Variants in GPX1 observed in about 807,000 individuals in gnomAD.
GPX1 encodes glutathione peroxidase 1.
Under a neutral mutation model 11.5 loss-of-function variants are expected in GPX1, and 8 were observed. That is an observed-to-expected ratio of 0.70 (90% CI 0.41 to 1.25). The LOEUF is 1.25. GPX1 is among the 50% of genes most tolerant of loss of function. The probability of loss-of-function intolerance (pLI) is 0.01; values close to 1 mark genes in which losing one functional copy is unlikely to be tolerated. For missense variants in GPX1, 266 were observed against 284.3 expected (o/e 0.94, Z 0.46); for synonymous variants, 142 against 127.8 (o/e 1.11, Z -0.75).
intron 1 of GPX1, 106 bp downstream of exon 1, chr3:49,357,921 C>T (rs919996718): frequency 6.7e-7 from 1 of 1,493,044 alleles, no homozygotes; most frequent in Admixed American, 2.3e-5. Flanking sequence ...GAGAGAGTAG[C>T]CAGACTCTCC....
chr3:49,357,905 G>C, intron 1 of GPX1, 122 bp downstream of exon 1: 1 of 1,504,868 alleles, frequency 6.6e-7, no homozygotes, highest in South Asian at 1.3e-5. Flanking sequence ...GCAACAGAAA[G>C]GAAACGAGAG....
rs1231276186 is a variant in GPX1 at position 49,358,170 on chromosome 3, C to T, written c.109G>A (p.Gly37Ser). ...GEPVSLGSLR[G>S]KVLLIENVAS... The stretch of plus-strand genomic sequence containing the variant: ...ACATTCTCGATAAGTAGTACCTTGC[C>T]CCGCAGGGAGCCCAGGCTCACAGGC... Residue 37 changes from glycine (G) to serine (S), a missense_variant, in exon 1 of 2, where the codon GGC (glycine) becomes AGC (serine). By Grantham distance (56) the Gly-to-Ser change is moderately conservative. Transcript: ENST00000419783. 2 of 1,587,290 alleles carry T rather than the reference C, an allele frequency of 1.3e-6. No homozygotes were observed. The highest frequency in any genetic ancestry group is 1.1e-5 in the South Asian group (1 of 88,540).
At chr3:49,357,818 G>A (rs968220307) in intron 1 of GPX1, 71 bp from the exon 2 acceptor site, 96 of 1,538,762 alleles carry the variant, frequency 6.2e-5, no homozygotes, top group Non-Finnish European at 8.0e-5. Flanking sequence ...ACAAACAAGG[G>A]AGATTTTCTA....
rs1251290230 is a variant in GPX1, at chr3:49,358,309, C to A, written c.-31G>T. ...AATTGTCCAAGAAGCCAGCGGAGCG[C>A]CCCGAACAAGCACTGTAAGGGGAGG... On this transcript the variant is annotated 5_prime_UTR_variant, in exon 1 of 2. Transcript: ENST00000419783. 2 of 1,525,644 alleles carry A rather than the reference C, an allele frequency of 1.3e-6. No homozygotes were observed. The highest frequency in any genetic ancestry group is 4.9e-5 in the East Asian group (2 of 40,500). 94.5% of individuals were successfully genotyped at this position (1,525,644 alleles called of 1,614,324 possible).
Position 49,357,236 on chromosome 3 carries a change from G to A in GPX1, c.*152C>T. 1.3e-6 allele frequency: 1 copy of A among 744,140 alleles called. No homozygotes were observed. The highest frequency in any genetic ancestry group is 2.2e-6 in the Non-Finnish European group (1 of 459,670). 46.1% of individuals were successfully genotyped at this position (744,140 alleles called of 1,614,324 possible). On this transcript the variant is annotated 3_prime_UTR_variant, in exon 2 of 2. Coordinates refer to ENST00000419783, the MANE Select transcript of GPX1 (RefSeq NM_000581.4). The stretch of plus-strand genomic sequence containing the variant: ...CTCGCCTTGGTCTGGCAGAGACTGG[G>A]ATCAACAGGACCAGCACCCATCTCG...
chr3:49,358,246 C>T lies in GPX1; in HGVS notation c.33G>A (p.Ala11=), dbSNP rs2047887057. The change falls in exon 1 of 2, where the codon GCG becomes GCA. Residue 11 remains alanine, a synonymous_variant. Transcript: ENST00000419783. ...AGAAGGCATACACCGACTGGGCCGCCGCCGCCGCCGCCGCTAGCCGAGCAG... is the reference window on the plus strand; with the variant it reads ...AGAAGGCATACACCGACTGGGCCGCTGCCGCCGCCGCCGCTAGCCGAGCAG... MCAARLAAAA[A]AAQSVYAFSA... is the part of the protein sequence containing the mutation. The T allele has an allele frequency of 2.4e-6, 1 of 420,750 alleles. No individual in the cohort carries two copies. The highest frequency in any genetic ancestry group is 3.0e-6 in the Non-Finnish European group (1 of 335,992). The allele number at this position is 420,750 out of a possible 1,614,324, so 26.1% of individuals were successfully genotyped here. A position where few individuals can be genotyped will look rare whatever the true frequency, so the allele number is the denominator to read the frequency against.
chr3:49,357,516 A>G lies in GPX1; in HGVS notation c.484T>C (p.Trp162Arg), dbSNP rs1389523308. ...CCCACCAGGAACTTCTCAAAGTTCC[A>G]GGCAACATCGTTGCGACACACCGGA... is the stretch of plus-strand genomic sequence containing the variant. ...WSPVCRNDVA[W>R]NFEKFLVGPD... The change falls in exon 2 of 2, where the codon TGG becomes CGG. Residue 162 changes from tryptophan to arginine, a missense_variant. By Grantham distance (101) the Trp-to-Arg change is moderately radical. Transcript: ENST00000419783. 3 of 1,613,656 alleles carry G rather than the reference A, an allele frequency of 1.9e-6. No homozygotes were observed. Among genetic ancestry groups the G allele is most frequent in the Admixed American group, 3.3e-5 (2 of 59,998 alleles).
chr3:49,357,547 G>C lies in GPX1; in HGVS notation c.453C>G (p.Thr151=), dbSNP rs752926056. The change falls in exon 2 of 2, where the codon ACC becomes ACG. Residue 151 remains threonine (T), a synonymous_variant. Transcript: ENST00000419783. ...TALMTDPKLI[T]WSPVCRNDVA... The stretch of plus-strand genomic sequence containing the variant: ...CATCGTTGCGACACACCGGAGACCA[G>C]GTGATGAGCTTGGGGTCGGTCATAA... The C allele has an allele frequency of 3.7e-6, 6 of 1,613,412 alleles. No individual in the cohort carries two copies. In the African/African-American group the frequency reaches 6.7e-5, roughly 18 times the overall value.
Position 49,358,056 on chromosome 3 carries a change from C to A in GPX1, c.223G>T (p.Gly75Cys), listed in dbSNP as rs763687242. ...RLGPRGLVVLGFPCNQFGHQE... is the reference protein window; with the variant it reads ...RLGPRGLVVLCFPCNQFGHQE... ...TGCCCAAACTGGTTGCACGGGAAGC[C>A]GAGCACCACCAGGCCCCGGGGTCCG... Residue 75 changes from glycine to cysteine, a missense_variant, in exon 1 of 2, where the codon GGC becomes TGC. Coordinates refer to ENST00000419783, the MANE Select transcript of GPX1 (RefSeq NM_000581.4). 3 of 1,610,816 alleles carry A rather than the reference C, an allele frequency of 1.9e-6. No individual in the cohort carries two copies. The highest frequency in any genetic ancestry group is 2.5e-6 in the Non-Finnish European group (3 of 1,179,230).
rs1252242622 is a variant in GPX1 at position 49,357,355 on chromosome 3, C to T, written c.*33G>A. On this transcript the variant is annotated 3_prime_UTR_variant, in exon 2 of 2. Coordinates refer to ENST00000419783, the MANE Select transcript of GPX1 (RefSeq NM_000581.4). ...AAACCCCCCCGAGACAGCAGCACTG[C>T]AACTGCCAAGCAGCCGGGGTAGGAG... The T allele has an allele frequency of 1.3e-6, 2 of 1,583,452 alleles. No individual in the cohort carries two copies. Among genetic ancestry groups the T allele is most frequent in the African/African-American group, 2.7e-5 (2 of 74,122 alleles).
chr3:49,357,640 C>G lies in GPX1; in HGVS notation c.360G>C (p.Ala120=). The G allele has an allele frequency of 6.2e-7, 1 of 1,613,670 alleles. No individual in the cohort carries two copies. The highest frequency in any genetic ancestry group is 8.5e-7 in the Non-Finnish European group (1 of 1,179,998). ...GGAAGGCGAAGAGAGGGTGCGCCCC[C>G]GCACCGTTCACCTCGCACTTCTCGA... is the stretch of plus-strand genomic sequence containing the variant. ...MLFEKCEVNG[A]GAHPLFAFLR... The change falls in exon 2 of 2, where the codon GCG becomes GCC. Residue 120 remains alanine (A), a synonymous_variant. Transcript: ENST00000419783.
At position 49,358,271 on chromosome 3, in the gene GPX1, G is replaced by A. The variant is rs892235577; in HGVS notation, c.8C>T (p.Ala3Val). 15 of 1,540,198 alleles carry A rather than the reference G, an allele frequency of 9.7e-6. No homozygotes were observed. In the African/African-American group the frequency reaches 1.7e-4, roughly 17 times the overall value. Reference protein sequence around the residue: MCAARLAAAAAAA... With the variant: MCVARLAAAAAAA... ...CGCCGCCGCCGCCGCTAGCCGAGCA[G>A]CACACATGGCGCAATTGTCCAAGAA... Residue 3 changes from alanine (A) to valine (V), a missense_variant, in exon 1 of 2, where the codon GCT becomes GTT. By Grantham distance (64) the Ala-to-Val change is moderately conservative (BLOSUM62 0). Coordinates refer to ENST00000419783, the MANE Select transcript of GPX1 (RefSeq NM_000581.4).
At chr3:49,357,890 T>C in intron 1 of GPX1, 137 bp downstream of exon 1, 1 of 1,512,618 alleles carries the variant, frequency 6.6e-7, no homozygotes, top group Non-Finnish European at 8.8e-7. Flanking sequence ...TTTCAGCAGC[T>C]ACGAGCAACA....
intron 1 of GPX1, 132 bp from the exon 2 acceptor site, chr3:49,357,879 A>ATT (rs1307722861): frequency 6.6e-6 from 10 of 1,516,752 alleles, no homozygotes; most frequent in Admixed American, 2.2e-5. Context: ...GCGGAGAGGA[A>ATT]TTTCAGCAGC....
At chr3:49,357,854 T>C (rs1438717299) in intron 1 of GPX1, 107 bp from the exon 2 acceptor site, 8 of 1,526,094 alleles carry the variant, frequency 5.2e-6, no homozygotes, top group Non-Finnish European at 6.1e-6. Context: ...TTGCCCTCCA[T>C]GCGCAATCCC....
In GPX1 at chr3:49,357,222, C is replaced by T; in HGVS notation, c.*166G>A. The T allele has an allele frequency of 1.5e-6, 1 of 672,494 alleles. No individual in the cohort carries two copies. The highest frequency in any genetic ancestry group is 2.5e-6 in the Non-Finnish European group (1 of 397,608). The allele number at this position is 672,494 out of a possible 1,614,324, so 41.7% of individuals were successfully genotyped here. The stretch of plus-strand genomic sequence containing the variant: ...TATTAGTGGGGAAACTCGCCTTGGT[C>T]TGGCAGAGACTGGGATCAACAGGAC... On this transcript the variant is annotated 3_prime_UTR_variant, in exon 2 of 2. Coordinates refer to ENST00000419783, the MANE Select transcript of GPX1 (RefSeq NM_000581.4).
chr3:49,357,620 G>A lies in GPX1; in HGVS notation c.380C>T (p.Ala127Val), dbSNP rs2047864445. 1.9e-6 allele frequency: 3 copies of A among 1,613,416 alleles called. No homozygotes were observed. The highest frequency in any genetic ancestry group is 1.7e-5 in the Admixed American group (1 of 60,018). Residue 127 changes from alanine (A) to valine (V), a missense_variant, in exon 2 of 2, where the codon GCC (alanine) becomes GTC (valine). By Grantham distance (64) the Ala-to-Val change is moderately conservative. Coordinates refer to ENST00000419783, the MANE Select transcript of GPX1 (RefSeq NM_000581.4). Reference sequence around the variant, plus strand: ...AGCTGGCAGGGCCTCCCGCAGGAAGGCGAAGAGAGGGTGCGCCCCCGCACC... The same window carrying A: ...AGCTGGCAGGGCCTCCCGCAGGAAGACGAAGAGAGGGTGCGCCCCCGCACC... Reference protein sequence around the residue: ...VNGAGAHPLFAFLREALPAPS... With the variant: ...VNGAGAHPLFVFLREALPAPS...
At position 49,357,311 on chromosome 3, in the gene GPX1, G is replaced by T. The variant is rs1050903671; in HGVS notation, c.*77C>A. ...GTGTTCCTCCCTCGTAGGTTTAGAG[G>T]AAACACCCTCATAGATGAAAACCCC... On this transcript the variant is annotated 3_prime_UTR_variant, in exon 2 of 2. Coordinates refer to ENST00000419783, the MANE Select transcript of GPX1 (RefSeq NM_000581.4). 1.1e-5 allele frequency: 16 copies of T among 1,407,950 alleles called. No individual in the cohort carries two copies. Among genetic ancestry groups the T allele is most frequent in the Admixed American group, 1.0e-4 (5 of 49,768 alleles). 87.2% of individuals were successfully genotyped at this position (1,407,950 alleles called of 1,614,324 possible).
intron 1 of GPX1, 73 bp from the exon 2 acceptor site, chr3:49,357,820 G>T: frequency 6.5e-7 from 1 of 1,536,696 alleles, no homozygotes; most frequent in Non-Finnish European, 8.8e-7. Context: ...AAACAAGGGA[G>T]ATTTTCTATG....
Sources: gnomAD v4.1 joint callset for allele counts on GRCh38, gnomAD v4.1.1 for gene constraint, MANE v1.5 for transcripts, NCBI Gene and HGNC (gene_info 2026-07-23, HGNC 2026-07-21) for gene names.